The following ZDHHC21 variants were observed in gnomAD, a reference collection of about 807,000 sequenced individuals.
The protein encoded by ZDHHC21 is zDHHC palmitoyltransferase 21.
A neutral mutation model predicts 34.6 loss-of-function variants in ZDHHC21; 15 were observed. The observed-to-expected ratio is 0.43, with a 90% CI of 0.29 to 0.67. ZDHHC21 has a LOEUF of 0.67. ZDHHC21 is among the 30% of genes least tolerant of loss of function. The pLI, the probability that ZDHHC21 is intolerant of heterozygous loss-of-function variation, is 0.14. For synonymous variants in ZDHHC21, 142 were observed against 101.8 expected (o/e 1.40, Z -2.38); for missense variants, 344 against 327.7 (o/e 1.05, Z -0.38).
At chr9:14,620,046 C>T (rs538290916) in intron 8 of ZDHHC21, among the ~76,000 whole-genome samples, 6 of 151,992 alleles carry the variant, frequency 3.9e-5, no homozygotes, top group South Asian at 2.1e-4. Flanking sequence ...AAAATAAATA[C>T]TAAAATGACA....
chr9:14,677,247 G>A (rs56086068), intron 3 of ZDHHC21: 4 of 151,562 alleles, frequency 2.6e-5, no homozygotes, highest in African/African-American at 9.7e-5. Context: ...GCACAGGATA[G>A]AAAAATAAAA....
Position 14,643,935 on chromosome 9 carries a change from G to A in ZDHHC21, c.505-3923C>T, listed in dbSNP as rs536910280. 5.3e-5 allele frequency among the ~76,000 whole-genome samples: 8 copies of A among 152,176 alleles called. No homozygotes were observed. In the South Asian group the frequency reaches 1.7e-3, roughly 32 times the overall value. On this transcript the variant is annotated intron_variant, in intron 7 of 9. Transcript: ENST00000380916. ...TAAGTCTCAATACCTGGTAGGCCAT[G>A]TCATCCCATCTTACTCTTTTGCAAG...
At chr9:14,609,752 T>C (rs1356298598), downstream of ZDHHC21, among the ~76,000 whole-genome samples, 1 of 152,102 alleles carries the variant, frequency 6.6e-6, no homozygotes, top group African/African-American at 2.4e-5. Flanking sequence ...CACGAAAAGT[T>C]CCTTGGTATT....
At chr9:14,619,742 T>A (rs548823558) in intron 8 of ZDHHC21, 60 bp from the exon 9 acceptor site, 133 of 991,938 alleles carry the variant, frequency 1.3e-4, no homozygotes, top group Non-Finnish European at 1.8e-4. Context: ...TTATTCTGTA[T>A]CCACTCTATC....
chr9:14,593,549 G>T, the ZDHHC21 span: 1 of 152,248 alleles, frequency 6.6e-6, no homozygotes, highest in South Asian at 2.1e-4. Context: ...GACTGGGCTG[G>T]GCAGGCAACC....
At chr9:14,675,453 T>A (rs555330040) in intron 3 of ZDHHC21, among the ~76,000 whole-genome samples, 27 of 152,014 alleles carry the variant, frequency 1.8e-4, no homozygotes, top group Non-Finnish European at 4.0e-4. Flanking sequence ...TCATAATTCT[T>A]CATAAAACTC....
intron 7 of ZDHHC21, among the ~76,000 whole-genome samples, chr9:14,653,997 A>G (rs181313348): frequency 2.6e-5 from 4 of 152,174 alleles, no homozygotes; most frequent in Admixed American, 2.6e-4. Context: ...ACAGGCGTTA[A>G]GGTGAGCCAT....
intron 1 of ZDHHC21, among the ~76,000 whole-genome samples, chr9:14,692,553 A>G (rs1249297771): frequency 1.3e-5 from 2 of 152,138 alleles, no homozygotes; most frequent in Non-Finnish European, 2.9e-5. Context: ...CCTGACTCTC[A>G]AGGGATCTTA....
chr9:14,678,370 T>C (rs1262835384), intron 3 of ZDHHC21, among the ~76,000 whole-genome samples: 1 of 151,894 alleles, frequency 6.6e-6, no homozygotes, highest in African/African-American at 2.4e-5. Context: ...GAAAAAATAC[T>C]GCAACACATG....
chr9:14,588,844 A>C, the ZDHHC21 span: 1 of 152,192 alleles, frequency 6.6e-6, no homozygotes. Context: ...GCAGCCTGAG[A>C]AAAAGCATAA....
intron 2 of ZDHHC21, among the ~76,000 whole-genome samples, chr9:14,688,180 A>C (rs1010734232): frequency 6.6e-6 from 1 of 150,918 alleles, no homozygotes; most frequent in Non-Finnish European, 1.5e-5. Context: ...TTCACTTTCC[A>C]AGCTTTAGTT....
At chr9:14,609,933 A>T (rs1823147906), downstream of ZDHHC21, among the ~76,000 whole-genome samples, 1 of 152,090 alleles carries the variant, frequency 6.6e-6, no homozygotes, top group African/African-American at 2.4e-5. Flanking sequence ...TAACAAAATA[A>T]CAATTCAATT....
At chr9:14,663,456 G>A (rs530592770) in intron 5 of ZDHHC21, among the ~76,000 whole-genome samples, 6 of 146,170 alleles carry the variant, frequency 4.1e-5, no homozygotes, top group Admixed American at 4.1e-4. Flanking sequence ...GATAATAGTA[G>A]ACAATATTCA....
intron 8 of ZDHHC21, among the ~76,000 whole-genome samples, chr9:14,639,174 A>G (rs1283298294): frequency 6.6e-6 from 1 of 152,158 alleles, no homozygotes; most frequent in Non-Finnish European, 1.5e-5. Context: ...TAATACTATG[A>G]GCCATAAAAA....
chr9:14,640,861 G>C (rs1182374198), intron 7 of ZDHHC21, among the ~76,000 whole-genome samples: 1 of 152,124 alleles, frequency 6.6e-6, no homozygotes, highest in East Asian at 1.9e-4. Flanking sequence ...AGACACTGTG[G>C]TGGGAAGACA....
chr9:14,638,197 G>T (rs536581875), intron 8 of ZDHHC21, among the ~76,000 whole-genome samples: 1 of 151,926 alleles, frequency 6.6e-6, no homozygotes, highest in Non-Finnish European at 1.5e-5. Context: ...CAGACCAAGG[G>T]AACAGAATAG....
intron 5 of ZDHHC21, among the ~76,000 whole-genome samples, chr9:14,664,579 G>A (rs1259631143): frequency 6.6e-6 from 1 of 151,006 alleles, no homozygotes; most frequent in African/African-American, 2.4e-5. Flanking sequence ...CAAAAAGACA[G>A]CAGTAACCTC....
chr9:14,690,612 AG>A (rs1839021834), intron 1 of ZDHHC21, among the ~76,000 whole-genome samples: 1 of 152,204 alleles, frequency 6.6e-6, no homozygotes, highest in Non-Finnish European at 1.5e-5. Flanking sequence ...GCAGCTTGAA[AG>A]GCAGAAGGCA....
chr9:14,680,610 A>C (rs1564391241), intron 2 of ZDHHC21, among the ~76,000 whole-genome samples: 1 of 151,790 alleles, frequency 6.6e-6, no homozygotes, highest in Admixed American at 6.6e-5. Flanking sequence ...AGAGTCAAAC[A>C]TAAGTCAGTT....
Sources: allele counts gnomAD v4.1 joint callset (sites outside exome capture counted in the v4.1 genomes callset), GRCh38; gene constraint gnomAD v4.1.1; transcripts MANE v1.5; gene names NCBI Gene and HGNC (gene_info 2026-07-23, HGNC 2026-07-21).